MYT1L: variants seen among roughly 807,000 people sequenced by gnomAD.
The protein encoded by MYT1L is myelin transcription factor 1 like.
A neutral mutation model predicts 126.7 loss-of-function variants in MYT1L; 12 were observed. The ratio of observed to expected loss-of-function variants is 0.09; its 90% CI spans 0.06 to 0.15. MYT1L has a LOEUF of 0.15. MYT1L is among the 10% of genes least tolerant of loss of function. The pLI is 1.00. For synonymous variants in MYT1L, 541 were observed against 604.2 expected (o/e 0.90, Z 1.53); for missense variants, 979 against 1,585.2 (o/e 0.62, Z 6.49).
chr2:2,251,191 T>C (rs6748141), intron 2 of MYT1L, among the ~76,000 whole-genome samples: 143,298 of 152,270 alleles, frequency 0.94, 67,478 homozygotes, highest in East Asian at 1. Flanking sequence ...TTTACAGGTA[T>C]GTTGTGAAAT....
intron 4 of MYT1L, among the ~76,000 whole-genome samples, chr2:2,038,653 T>C (rs895372699): frequency 1.9e-4 from 29 of 151,988 alleles, no homozygotes; most frequent in African/African-American, 6.3e-4. Context: ...AATGTGACGT[T>C]GCTTGTTTGC....
At chr2:2,121,486 T>C (rs376986969) in intron 3 of MYT1L, among the ~76,000 whole-genome samples, 60 of 149,020 alleles carry the variant, frequency 4.0e-4, no homozygotes, top group African/African-American at 1.4e-3. Context: ...CTTTCTTTGT[T>C]GCTTTTTGTT....
At chr2:1,947,141 T>C (rs1400231192) in intron 8 of MYT1L, among the ~76,000 whole-genome samples, 1 of 151,592 alleles carries the variant, frequency 6.6e-6, no homozygotes, top group Admixed American at 6.6e-5. Context: ...CATCTATGAG[T>C]CCCGATTGCT....
At chr2:2,297,641 C>G (rs559863166) in intron 1 of MYT1L, among the ~76,000 whole-genome samples, 3 of 152,334 alleles carry the variant, frequency 2.0e-5, no homozygotes, top group African/African-American at 7.2e-5. Context: ...GCATGTGCCA[C>G]TCAGGATGCT....
intron 9 of MYT1L, among the ~76,000 whole-genome samples, chr2:1,927,273 T>C (rs2054359374): frequency 6.6e-6 from 1 of 152,244 alleles, no homozygotes. Flanking sequence ...TCTACAAACC[T>C]GACTTCTGTT....
chr2:2,189,260 T>C (rs1195266219), intron 2 of MYT1L, among the ~76,000 whole-genome samples: 2 of 152,220 alleles, frequency 1.3e-5, no homozygotes, highest in South Asian at 4.1e-4. Flanking sequence ...TTGCTCACAA[T>C]GTTCTCCTGG....
intron 9 of MYT1L, among the ~76,000 whole-genome samples, chr2:1,927,130 G>C (rs1019952685): frequency 6.6e-6 from 1 of 152,306 alleles, no homozygotes; most frequent in East Asian, 1.9e-4. Context: ...TGGACTCACA[G>C]AGTTACCGCA....
intron 22 of MYT1L, among the ~76,000 whole-genome samples, chr2:1,803,810 C>T (rs937533369): frequency 2.0e-5 from 3 of 151,766 alleles, no homozygotes; most frequent in East Asian, 3.9e-4. Flanking sequence ...CAGGAAGAAC[C>T]GGCAGGTCAC....
At chr2:2,242,587 C>T (rs896427197) in intron 2 of MYT1L, among the ~76,000 whole-genome samples, 4 of 152,138 alleles carry the variant, frequency 2.6e-5, no homozygotes, top group African/African-American at 9.7e-5. Context: ...TTCCATTTAT[C>T]AAGCACTGGT....
At chr2:2,237,648 G>A (rs569870769) in intron 2 of MYT1L, among the ~76,000 whole-genome samples, 2 of 152,232 alleles carry the variant, frequency 1.3e-5, no homozygotes, top group East Asian at 3.9e-4. Flanking sequence ...GGGATGCCTC[G>A]CCTGGAGCAC....
chr2:1,792,193 C>G, intron 24 of MYT1L, 128 bp downstream of exon 24: 1 of 1,324,448 alleles, frequency 7.6e-7, no homozygotes. Context: ...GGTATGGTTT[C>G]GGGGTGGTAA....
chr2:2,040,894 G>A (rs1259270083), intron 4 of MYT1L, among the ~76,000 whole-genome samples: 1 of 152,090 alleles, frequency 6.6e-6, no homozygotes, highest in African/African-American at 2.4e-5. Flanking sequence ...TGTTGAAATT[G>A]CTAATTCTGA....
intron 18 of MYT1L, among the ~76,000 whole-genome samples, chr2:1,880,645 G>A (rs1339338609): frequency 6.6e-6 from 1 of 152,218 alleles, no homozygotes; most frequent in Non-Finnish European, 1.5e-5. Flanking sequence ...AGTGGTAACA[G>A]GTATTGAATG....
chr2:2,051,953 C>T (rs1298944648), intron 4 of MYT1L, among the ~76,000 whole-genome samples: 3 of 151,718 alleles, frequency 2.0e-5, no homozygotes, highest in Admixed American at 1.3e-4. Context: ...AAATATATTG[C>T]AAGATTCGTA....
chr2:2,244,746 A>G (rs1483306004), intron 2 of MYT1L, among the ~76,000 whole-genome samples: 1 of 152,192 alleles, frequency 6.6e-6, no homozygotes, highest in African/African-American at 2.4e-5. Flanking sequence ...CCTTGGCAAG[A>G]CACGATACCT....
At chr2:1,804,034 C>T (rs1418937425) in intron 22 of MYT1L, among the ~76,000 whole-genome samples, 1 of 152,148 alleles carries the variant, frequency 6.6e-6, no homozygotes, top group Admixed American at 6.5e-5. Context: ...AGTGACTGGC[C>T]CAGGAAGCAG....
chr2:2,040,211 A>G (rs1305048940), intron 4 of MYT1L, among the ~76,000 whole-genome samples: 1 of 152,194 alleles, frequency 6.6e-6, no homozygotes, highest in Non-Finnish European at 1.5e-5. Context: ...ATGTGTCCTC[A>G]GCACTTGACA....
chr2:2,248,902 C>A (rs1446921161), intron 2 of MYT1L, among the ~76,000 whole-genome samples: 1 of 152,080 alleles, frequency 6.6e-6, no homozygotes, highest in Non-Finnish European at 1.5e-5. Context: ...ATGACAGACT[C>A]ACAGCTAGTA....
rs377262523 is a variant in MYT1L at position 1,848,457 on chromosome 2, A to G, written c.2774+3184T>C. On this transcript the variant is annotated intron_variant, in intron 19 of 24. Transcript: ENST00000647738. This position sits in a 1 kb window ranked among gnomAD's most constrained non-coding sequence, Gnocchi z 4.8. ...ATTGTTTGGTGACTTCCCCTCTCAC[A>G]ACAGCCCACAGTACAGGAGGAGGAT... 4.6e-5 allele frequency among the ~76,000 whole-genome samples: 7 copies of G among 152,244 alleles called. No individual in the cohort carries two copies. Among genetic ancestry groups the G allele is most frequent in the African/African-American group, 1.7e-4 (7 of 41,532 alleles).
Sources: allele counts gnomAD v4.1 joint callset (sites outside exome capture counted in the v4.1 genomes callset), GRCh38; gene constraint gnomAD v4.1.1; non-coding constraint Gnocchi (gnomAD v3.1); transcripts MANE v1.5; gene names NCBI Gene and HGNC (gene_info 2026-07-23, HGNC 2026-07-21).